AUH: variants seen among roughly 807,000 people sequenced by gnomAD.
AUH encodes methylglutaconyl-CoA hydratase, mitochondrial.
In AUH, 29 loss-of-function variants were observed where a neutral mutation model predicts 42.3. That is an observed-to-expected ratio of 0.69 (90% CI 0.51 to 0.93). The LOEUF (loss-of-function observed/expected upper bound fraction) is 0.93, where lower values mean the gene tolerates loss of function less well. Ranked by LOEUF, AUH falls within the 40% of genes least tolerant of loss-of-function variation. The probability of loss-of-function intolerance (pLI) is 0.00; values close to 1 mark genes in which losing one functional copy is unlikely to be tolerated. For missense variants in AUH, 452 were observed against 438.1 expected, an observed-to-expected ratio of 1.03 and a Z score of -0.28; for synonymous variants, 174 against 166.4, an observed-to-expected ratio of 1.05 and a Z score of -0.35.
At chr9:91,215,930 C>T (rs1398593585) in intron 9 of AUH, 129 bp downstream of exon 9, 1 of 948,250 alleles carries the variant, frequency 1.1e-6, no homozygotes, top group Non-Finnish European at 1.7e-6. Context: ...CAACTAATTT[C>T]AACCCATTTG....
intron 4 of AUH, among the ~76,000 whole-genome samples, chr9:91,315,987 T>C (rs562095174): frequency 4.6e-5 from 7 of 152,380 alleles, no homozygotes; most frequent in African/African-American, 1.7e-4. Context: ...GTTTCAAAGA[T>C]TTATCCATAT....
intron 6 of AUH, among the ~76,000 whole-genome samples, chr9:91,263,059 T>C (rs1829785935): frequency 6.6e-6 from 1 of 152,212 alleles, no homozygotes; most frequent in Admixed American, 6.5e-5. Flanking sequence ...CCCAGGTCAC[T>C]CTACTATGGG....
At chr9:91,333,159 G>A (rs1252229332) in intron 3 of AUH, among the ~76,000 whole-genome samples, 1 of 152,132 alleles carries the variant, frequency 6.6e-6, no homozygotes. Context: ...GATTTTCCTC[G>A]GCCAAAAGGA....
chr9:91,313,725 A>AG (rs1828904425), intron 4 of AUH, among the ~76,000 whole-genome samples: 2 of 151,434 alleles, frequency 1.3e-5, no homozygotes, highest in Admixed American at 1.3e-4. Flanking sequence ...AAAAAAAAAA[A>AG]AAAAAAGAAA....
At chr9:91,242,737 TGTAA>T (rs1554693904) in intron 6 of AUH, among the ~76,000 whole-genome samples, 1 of 152,192 alleles carries the variant, frequency 6.6e-6, no homozygotes. Flanking sequence ...AGACTTAAGA[TGTAA>T]GTGAGAAATC....
chr9:91,319,521 T>A (rs1464007248), intron 4 of AUH, among the ~76,000 whole-genome samples: 2 of 152,172 alleles, frequency 1.3e-5, no homozygotes, highest in Non-Finnish European at 2.9e-5. Flanking sequence ...CTCCTCGAAA[T>A]ATCAGGTATT....
chr9:91,347,857 G>A (rs186088486), intron 3 of AUH, among the ~76,000 whole-genome samples: 1 of 151,902 alleles, frequency 6.6e-6, no homozygotes, highest in Admixed American at 6.5e-5. Context: ...CTTCATACAT[G>A]TATACATACG....
At chr9:91,266,555 A>C (rs992431176) in intron 6 of AUH, among the ~76,000 whole-genome samples, 2 of 152,184 alleles carry the variant, frequency 1.3e-5, no homozygotes, top group African/African-American at 4.8e-5. Flanking sequence ...AGCCCTCTAT[A>C]ACTGGCTCAT....
At chr9:91,325,446 A>G (rs1440944475) in intron 3 of AUH, 42 bp from the exon 4 acceptor site, 9 of 1,558,784 alleles carry the variant, frequency 5.8e-6, no homozygotes, top group Non-Finnish European at 8.0e-6. Context: ...AGTTGTAAAC[A>G]AAATTTTAAG....
chr9:91,263,477 T>C, intron 6 of AUH, among the ~76,000 whole-genome samples: 1 of 152,354 alleles, frequency 6.6e-6, no homozygotes, highest in East Asian at 1.9e-4. Flanking sequence ...TCATATTATT[T>C]TATTTAAGGC....
At chr9:91,320,339 TA>T (rs1193142555) in intron 4 of AUH, among the ~76,000 whole-genome samples, 1 of 152,138 alleles carries the variant, frequency 6.6e-6, no homozygotes, top group Non-Finnish European at 1.5e-5. Flanking sequence ...CAACCTAACT[TA>T]ATAGGTAGAA....
chr9:91,308,196 T>C (rs1346266397), intron 4 of AUH, among the ~76,000 whole-genome samples: 6 of 152,076 alleles, frequency 3.9e-5, no homozygotes, highest in Non-Finnish European at 8.8e-5. Context: ...AGAAGCTGTA[T>C]CCATCCACTA....
chr9:91,251,677 A>G (rs1302147605), intron 6 of AUH, among the ~76,000 whole-genome samples: 1 of 152,190 alleles, frequency 6.6e-6, no homozygotes, highest in African/African-American at 2.4e-5. Flanking sequence ...GCTGCTCCTG[A>G]GCATTCTCTT....
intron 4 of AUH, among the ~76,000 whole-genome samples, chr9:91,308,791 CT>C (rs201772761): frequency 2.6e-3 from 349 of 136,310 alleles, no homozygotes; most frequent in Middle Eastern, 3.8e-3. Flanking sequence ...TTAAGCAATT[CT>C]TTTTTTTTTT....
At chr9:91,270,930 G>A (rs529925068) in intron 6 of AUH, among the ~76,000 whole-genome samples, 36 of 152,246 alleles carry the variant, frequency 2.4e-4, no homozygotes, top group African/African-American at 7.9e-4. Context: ...AAAAATAACT[G>A]TCCTAATATG....
At chr9:91,221,162 T>C (rs559020373) in intron 6 of AUH, among the ~76,000 whole-genome samples, 170 bp from the exon 7 acceptor site, 7 of 152,340 alleles carry the variant, frequency 4.6e-5, no homozygotes, top group Admixed American at 3.3e-4. Flanking sequence ...AATTCCCCTA[T>C]AAAACTAATA....
rs542686698 is a variant in AUH at position 91,319,367 on chromosome 9, C to T, written c.505+5951G>A. ...CCTCAAGTACTGTTACAGTAGGTAG[C>T]TAATCAGACACGAGCAGAGTTGGAA... On this transcript the variant is annotated intron_variant, in intron 4 of 9. Coordinates refer to ENST00000375731, the MANE Select transcript of AUH (RefSeq NM_001698.3). Among the ~76,000 whole-genome samples the T allele has an allele frequency of 4.3e-4, 66 of 152,276 alleles. 1 individual carries two copies. Among genetic ancestry groups the T allele is most frequent in the African/African-American group, 1.5e-3 (62 of 41,550 alleles).
intron 6 of AUH, among the ~76,000 whole-genome samples, chr9:91,254,824 T>A (rs1316432697): frequency 6.6e-6 from 1 of 152,172 alleles, no homozygotes; most frequent in Non-Finnish European, 1.5e-5. Context: ...AATCAATATA[T>A]CCTTAATTAC....
intron 6 of AUH, among the ~76,000 whole-genome samples, chr9:91,264,130 A>G (rs935868393): frequency 2.0e-5 from 3 of 152,292 alleles, no homozygotes; most frequent in East Asian, 1.9e-4. Context: ...ACACACATAT[A>G]TGTGTTATAT....
Sources: gnomAD v4.1 joint callset for allele counts (sites outside exome capture counted in the v4.1 genomes callset) on GRCh38, gnomAD v4.1.1 for gene constraint, MANE v1.5 for transcripts, NCBI Gene and HGNC (gene_info 2026-07-23, HGNC 2026-07-21) for gene names.